Variants in DIP2C observed in about 807,000 individuals in gnomAD.
DIP2C encodes DIP2 acetate--CoA ligase C (putative), also known as disco-interacting protein 2 homolog C.
DIP2C carries 33 observed loss-of-function variants against 192.4 expected under a neutral mutation model. The ratio of observed to expected loss-of-function variants is 0.17; its 90% CI spans 0.13 to 0.23. DIP2C has a LOEUF of 0.23. Among genes scored for constraint, DIP2C ranks in the 10% least tolerant of loss-of-function variants. The pLI, the probability that DIP2C is intolerant of heterozygous loss-of-function variation, is 1.00. For synonymous variants in DIP2C, 979 were observed against 864.1 expected, an observed-to-expected ratio of 1.13 and a Z score of -2.33; for missense variants, 1,537 against 2,110.1, an observed-to-expected ratio of 0.73 and a Z score of 5.32.
At chr10:303,576 T>C (rs916108191) in intron 32 of DIP2C, among the ~76,000 whole-genome samples, 2 of 152,048 alleles carry the variant, frequency 1.3e-5, no homozygotes, top group African/African-American at 4.8e-5. Flanking sequence ...CAGACTGGAG[T>C]GCAGTGGCGC....
At chr10:558,141 T>TTGGGG (rs1462191507) in intron 1 of DIP2C, among the ~76,000 whole-genome samples, 1 of 152,194 alleles carries the variant, frequency 6.6e-6, no homozygotes, top group Non-Finnish European at 1.5e-5. Context: ...CGCATTGTCT[T>TTGGGG]ACCAGCCACG....
chr10:345,644 C>T (rs1380048591), intron 26 of DIP2C, among the ~76,000 whole-genome samples: 1 of 106,626 alleles, frequency 9.4e-6, no homozygotes, highest in Non-Finnish European at 1.9e-5. Flanking sequence ...CATAGTTCTC[C>T]CGGGAACCCT....
At position 384,777 on chromosome 10, in the gene DIP2C, C is replaced by T. The variant is rs1363616457; in HGVS notation, c.1663-138G>A. The T allele has an allele frequency of 1.2e-5, 9 of 769,120 alleles. No homozygotes were observed. The African/African-American group carries it at 1.4e-4, about 12-fold the overall frequency. The allele number at this position is 769,120 out of a possible 1,614,324, so 47.6% of individuals were successfully genotyped here. A position where few individuals can be genotyped will look rare whatever the true frequency, so the allele number is the denominator to read the frequency against. On this transcript the variant is annotated intron_variant, in intron 14 of 36. Transcript: ENST00000280886. ...GCGCTGCAGACACCATGCACACAGGCCCCTGGAGGCTCCTCAGGGTGGGGC... is the reference window on the plus strand; with the variant it reads ...GCGCTGCAGACACCATGCACACAGGTCCCTGGAGGCTCCTCAGGGTGGGGC...
rs775273708 is a variant in DIP2C at position 414,107 on chromosome 10, T to C, written c.863A>G (p.Gln288Arg). 6.2e-7 allele frequency: 1 copy of C among 1,610,764 alleles called. No homozygotes were observed. Among genetic ancestry groups the C allele is most frequent in the South Asian group, 1.1e-5 (1 of 90,904 alleles). ...CTTTGGTTGGTTCGGATCCGGTTGT[T>C]GAACTAAATCGTTTGAATACAAGAG... ...VDDFEELLEVQQPDPNQPKPE... is the reference protein window; with the variant it reads ...VDDFEELLEVRQPDPNQPKPE... The change falls in exon 8 of 37, where the codon CAA becomes CGA. Residue 288 changes from glutamine to arginine, a missense_variant. By Grantham distance (43) the Gln-to-Arg change is conservative (BLOSUM62 1). Coordinates refer to ENST00000280886, the MANE Select transcript of DIP2C (RefSeq NM_014974.3).
intron 1 of DIP2C, among the ~76,000 whole-genome samples, chr10:685,630 C>T (rs1377507732): frequency 2.6e-5 from 4 of 152,142 alleles, no homozygotes; most frequent in African/African-American, 9.7e-5. Flanking sequence ...TTTGAATCAA[C>T]AGCTAAATGC....
At chr10:282,777 A>G (rs1490207690) in intron 35 of DIP2C, among the ~76,000 whole-genome samples, 1 of 152,258 alleles carries the variant, frequency 6.6e-6, no homozygotes, top group Non-Finnish European at 1.5e-5. Context: ...TGATGAATGC[A>G]TGGGCAGAGA....
At position 408,950 on chromosome 10, in the gene DIP2C, T is replaced by C; in HGVS notation, c.1125A>G (p.Glu375=). 3 of 1,614,220 alleles carry C rather than the reference T, an allele frequency of 1.9e-6. No homozygotes were observed. Among genetic ancestry groups the C allele is most frequent in the Non-Finnish European group, 2.5e-6 (3 of 1,180,030 alleles). ...CCCTATCTCCAGGCCGGACCATGGG[T>C]TCCTGCTTTGTGCCTAATTTGTGTA... The part of the protein sequence containing the change: ...SILHKLGTKQ[E]PMVRPGDRVA... Residue 375 remains glutamate (E), a synonymous_variant, in exon 9 of 37, where the codon GAA becomes GAG. Transcript: ENST00000280886.
At chr10:341,473 C>CTGAACGCAAGGCTGTTT in intron 28 of DIP2C, 144 bp from the exon 29 acceptor site, 2 of 1,257,302 alleles carry the variant, frequency 1.6e-6, no homozygotes, top group Admixed American at 3.8e-5. Flanking sequence ...CGGGGCTGCA[C>CTGAACGCAAGGCTGTTT]TGAACGCAAG....
At chr10:307,767 G>A (rs902235575) in intron 32 of DIP2C, among the ~76,000 whole-genome samples, 1 of 152,248 alleles carries the variant, frequency 6.6e-6, no homozygotes, top group African/African-American at 2.4e-5. Context: ...GGGCACGGGA[G>A]AAAGAGCGGC....
intron 4 of DIP2C, among the ~76,000 whole-genome samples, chr10:433,695 A>T (rs1966947657): frequency 6.6e-6 from 1 of 151,942 alleles, no homozygotes; most frequent in South Asian, 2.1e-4. Flanking sequence ...AAAATAAAAT[A>T]AATAAATTAG....
intron 32 of DIP2C, among the ~76,000 whole-genome samples, chr10:289,745 G>A (rs1955382728): frequency 6.6e-6 from 1 of 152,216 alleles, no homozygotes. Flanking sequence ...ACAGCCCTCT[G>A]CGTGGCACGA....
intron 1 of DIP2C, among the ~76,000 whole-genome samples, chr10:495,371 A>T (rs1392961921): frequency 1.3e-5 from 2 of 152,174 alleles, no homozygotes; most frequent in Non-Finnish European, 2.9e-5. Context: ...ATCTGCCTGA[A>T]ACTGGGTAAG....
chr10:494,931 T>C (rs1374982046), intron 1 of DIP2C, among the ~76,000 whole-genome samples: 1 of 152,212 alleles, frequency 6.6e-6, no homozygotes. Context: ...GATACCTGCA[T>C]GCTCACATCC....
chr10:602,343 G>A (rs113108995), intron 1 of DIP2C, among the ~76,000 whole-genome samples: 52 of 152,324 alleles, frequency 3.4e-4, no homozygotes, highest in African/African-American at 1.1e-3. Context: ...GTGGCTCTGT[G>A]GCAGTAATGA....
chr10:446,061 G>A (rs898630821), intron 3 of DIP2C, among the ~76,000 whole-genome samples: 24 of 150,920 alleles, frequency 1.6e-4, no homozygotes, highest in Non-Finnish European at 3.2e-4. Context: ...GAGTCTCACA[G>A]GCCCACTGGG....
chr10:534,965 C>T (rs1303276922), intron 1 of DIP2C, among the ~76,000 whole-genome samples: 1 of 152,134 alleles, frequency 6.6e-6, no homozygotes, highest in Admixed American at 6.5e-5. Flanking sequence ...CGTGAGCCAC[C>T]GCGCCCGGCC....
At chr10:559,082 G>T (rs1172609255) in intron 1 of DIP2C, among the ~76,000 whole-genome samples, 3 of 152,204 alleles carry the variant, frequency 2.0e-5, no homozygotes, top group Non-Finnish European at 4.4e-5. Flanking sequence ...TTGCATCTGA[G>T]TCACACAAGC....
intron 4 of DIP2C, among the ~76,000 whole-genome samples, chr10:440,222 C>G (rs1564714775): frequency 6.6e-6 from 1 of 152,154 alleles, no homozygotes; most frequent in Non-Finnish European, 1.5e-5. Context: ...GGGCTATTAC[C>G]TTCAGTAATT....
chr10:486,070 G>A (rs973903418), intron 2 of DIP2C, among the ~76,000 whole-genome samples: 1 of 152,234 alleles, frequency 6.6e-6, no homozygotes, highest in African/African-American at 2.4e-5. Context: ...GGGTATCACA[G>A]CACTGTCTAG....
Sources: gnomAD v4.1 joint callset for allele counts (sites outside exome capture counted in the v4.1 genomes callset) on GRCh38, gnomAD v4.1.1 for gene constraint, MANE v1.5 for transcripts, NCBI Gene and HGNC (gene_info 2026-07-23, HGNC 2026-07-21) for gene names.